Variants in HHIPL1 observed in about 807,000 individuals in gnomAD.
HHIPL1 encodes HHIP like 1.
HHIPL1 carries 43 observed loss-of-function variants against 61.8 expected under a neutral mutation model. The observed-to-expected ratio is 0.70, with a 90% CI of 0.55 to 0.90. The LOEUF (loss-of-function observed/expected upper bound fraction) is 0.90. Among genes scored for constraint, HHIPL1 ranks in the 40% least tolerant of loss-of-function variants. The pLI is 0.00. For synonymous variants in HHIPL1, 482 were observed against 515.8 expected (o/e 0.93, Z 0.89); for missense variants, 1,056 against 1,157.7 (o/e 0.91, Z 1.28).
At chr14:99,671,317 A>T (rs1376507888) in intron 7 of HHIPL1, among the ~76,000 whole-genome samples, 1 of 152,190 alleles carries the variant, frequency 6.6e-6, no homozygotes, top group Non-Finnish European at 1.5e-5. Context: ...TCCTTAAGGA[A>T]CAAAAGCCCC....
rs1410572038 is a variant in HHIPL1, at chr14:99,675,298, G to T, written c.2021G>T (p.Arg674Leu). 20 of 1,312,266 alleles carry T rather than the reference G, an allele frequency of 1.5e-5. No individual in the cohort carries two copies. Among genetic ancestry groups the T allele is most frequent in the Non-Finnish European group, 1.9e-5 (20 of 1,031,642 alleles). 81.3% of individuals were successfully genotyped at this position (1,312,266 alleles called of 1,614,324 possible). ...CGGGCGTTCCGGGATGGCGAGGTGCGCCTGGTGCGGCCCGCGGGCCTGAGC... is the reference window on the plus strand; with the variant it reads ...CGGGCGTTCCGGGATGGCGAGGTGCTCCTGGTGCGGCCCGCGGGCCTGAGC... ...ASRAFRDGEV[R>L]LVRPAGLSSG... The change falls in exon 9 of 9, where the codon CGC becomes CTC. Residue 674 changes from arginine (R) to leucine (L), a missense_variant. Physicochemically the swap from Arg to Leu is moderately radical, Grantham distance 102. Transcript: ENST00000330710. This position sits in a 1 kb window ranked among gnomAD's most constrained non-coding sequence, Gnocchi z 5.4.
At chr14:99,621,964 CT>C in the HHIPL1 span, among the ~76,000 whole-genome samples, 2 of 152,118 alleles carry the variant, frequency 1.3e-5, no homozygotes, top group East Asian at 3.9e-4. Flanking sequence ...ATCCGCCCAC[CT>C]TGGCCTCCCA....
At chr14:99,607,125 C>T in the HHIPL1 span, among the ~76,000 whole-genome samples, 26,607 of 149,434 alleles carry the variant, frequency 0.18, 2,962 homozygotes, top group East Asian at 0.3. Context: ...CCTCAACCTC[C>T]GGGCTCAAGA....
Position 99,645,371 on chromosome 14 carries a change from A to T in HHIPL1, c.164A>T (p.Glu55Val). The T allele has an allele frequency of 6.9e-7, 1 of 1,441,130 alleles. No homozygotes were observed. The highest frequency in any genetic ancestry group is 9.1e-7 in the Non-Finnish European group (1 of 1,100,722). 89.3% of individuals were successfully genotyped at this position (1,441,130 alleles called of 1,614,324 possible). The stretch of plus-strand genomic sequence containing the variant: ...TGCTGCGATGAGGGGCGCGACGCCG[A>T]GCTGACCCGCCGCTTCTGGGCCCTG... ...FGCCDEGRDA[E>V]LTRRFWALAS... The change falls in exon 1 of 9, where the codon GAG becomes GTG. Residue 55 changes from glutamate (E) to valine (V), a missense_variant. Transcript: ENST00000330710.
At chr14:99,655,107 T>C (rs1420839400) in intron 2 of HHIPL1, among the ~76,000 whole-genome samples, 2 of 152,196 alleles carry the variant, frequency 1.3e-5, no homozygotes, top group East Asian at 3.9e-4. Flanking sequence ...CCGCTGTCAG[T>C]CTCTCCTCCC....
intron 1 of HHIPL1, among the ~76,000 whole-genome samples, chr14:99,646,419 T>A (rs1477286764): frequency 6.6e-6 from 1 of 152,238 alleles, no homozygotes; most frequent in African/African-American, 2.4e-5. Flanking sequence ...TGGAGTTTGA[T>A]CCTGGCTCTG....
In HHIPL1 at chr14:99,675,145, G is replaced by A; in HGVS notation, c.1868G>A (p.Arg623Gln). The change falls in exon 9 of 9, where the codon CGG (arginine) becomes CAG (glutamine). Residue 623 changes from arginine to glutamine, a missense_variant. By Grantham distance (43) the Arg-to-Gln change is conservative. Coordinates refer to ENST00000330710, the MANE Select transcript of HHIPL1 (RefSeq NM_001127258.3). The surrounding 1 kb of genome is among the most constrained non-coding windows in gnomAD (Gnocchi z 5.4). ...CGGCCTACAGCGCGGGCGCCCACGC[G>A]GGCGCCCCGCCGAGGGCGCCCCACG... ...TPRPTARAPT[R>Q]APRRGRPTAA... 4 of 1,111,452 alleles carry A rather than the reference G, an allele frequency of 3.6e-6. No homozygotes were observed. Among genetic ancestry groups the A allele is most frequent in the Non-Finnish European group, 4.4e-6 (4 of 903,866 alleles). The allele number at this position is 1,111,452 out of a possible 1,614,324, so 68.8% of individuals were successfully genotyped here.
chr14:99,639,819 G>A, the HHIPL1 span, among the ~76,000 whole-genome samples: 5 of 150,488 alleles, frequency 3.3e-5, no homozygotes, highest in African/African-American at 7.4e-5. Context: ...GCGCTACCAC[G>A]CCCGGCTAAT....
intron 7 of HHIPL1, chr14:99,669,011 C>G: frequency 6.6e-7 from 1 of 1,524,792 alleles, no homozygotes. Context: ...TGCCCTAACC[C>G]CTTGGCTGTG....
chr14:99,654,747 T>G (rs2056000375), intron 2 of HHIPL1, among the ~76,000 whole-genome samples: 1 of 152,210 alleles, frequency 6.6e-6, no homozygotes, highest in Non-Finnish European at 1.5e-5. Context: ...GTTTTGACTA[T>G]GAGCTTCCTG....
At chr14:99,619,543 G>A in the HHIPL1 span, among the ~76,000 whole-genome samples, 1 of 151,982 alleles carries the variant, frequency 6.6e-6, no homozygotes, top group African/African-American at 2.4e-5. Flanking sequence ...ACACCTGCGT[G>A]ATGATAAGAC....
At chr14:99,632,926 T>C in the HHIPL1 span, among the ~76,000 whole-genome samples, 1 of 151,372 alleles carries the variant, frequency 6.6e-6, no homozygotes, top group African/African-American at 2.4e-5. Context: ...TATTTGCATG[T>C]ATGGATGGGG....
the HHIPL1 span, among the ~76,000 whole-genome samples, chr14:99,635,454 A>G: frequency 1.1e-3 from 166 of 152,244 alleles, no homozygotes; most frequent in African/African-American, 3.9e-3. Context: ...CTTCCAGGAA[A>G]GGAAAGTGAC....
chr14:99,668,190 G>T lies in HHIPL1; in HGVS notation c.1649-32G>T. 1.5e-6 allele frequency: 2 copies of T among 1,374,084 alleles called. No individual in the cohort carries two copies. The highest frequency in any genetic ancestry group is 2.1e-6 in the Non-Finnish European group (2 of 960,884). 85.1% of individuals were successfully genotyped at this position (1,374,084 alleles called of 1,614,324 possible). A position where few individuals can be genotyped will look rare whatever the true frequency, so the allele number is the denominator to read the frequency against. Reference sequence around the variant, plus strand: ...CTGGCTGGGACGGTATTCCAGGTGGGGGTCTCACTAGTCACTTTGTTCTGT... The same window carrying T: ...CTGGCTGGGACGGTATTCCAGGTGGTGGTCTCACTAGTCACTTTGTTCTGT... On this transcript the variant is annotated intron_variant, in intron 6 of 8. Coordinates refer to ENST00000330710, the MANE Select transcript of HHIPL1 (RefSeq NM_001127258.3). The surrounding 1 kb of genome is among the most constrained non-coding windows in gnomAD (Gnocchi z 4.7).
the HHIPL1 span, among the ~76,000 whole-genome samples, chr14:99,606,253 C>A: frequency 6.6e-6 from 1 of 152,188 alleles, no homozygotes; most frequent in Admixed American, 6.5e-5. Flanking sequence ...GGGACATCCT[C>A]CCCTCTGAGG....
At chr14:99,612,199 G>A in the HHIPL1 span, among the ~76,000 whole-genome samples, 1 of 152,174 alleles carries the variant, frequency 6.6e-6, no homozygotes, top group African/African-American at 2.4e-5. Context: ...GCGATGGGGA[G>A]AGCCCCTTAG....
At chr14:99,670,900 T>C (rs1036342072) in intron 7 of HHIPL1, among the ~76,000 whole-genome samples, 1 of 152,232 alleles carries the variant, frequency 6.6e-6, no homozygotes, top group African/African-American at 2.4e-5. Context: ...AAATGCTACA[T>C]ATACCAAGTG....
chr14:99,674,215 C>A (rs2056359939), intron 8 of HHIPL1, among the ~76,000 whole-genome samples: 1 of 152,022 alleles, frequency 6.6e-6, no homozygotes, highest in Admixed American at 6.5e-5. Flanking sequence ...AGGATCCTCC[C>A]CATAGTAATT....
Position 99,652,488 on chromosome 14 carries a change from G to T in HHIPL1, c.520G>T (p.Val174Leu). ...GAACCTCAACTCAAACCTGGGCCAC[G>T]TGGTAGCCGATGCCAAGGGCTGCCT... ...NKNLNSNLGH[V>L]VADAKGCLQL... is the part of the protein sequence containing the mutation. Residue 174 changes from valine (V) to leucine (L), a missense_variant, in exon 2 of 9, where the codon GTG becomes TTG. Coordinates refer to ENST00000330710, the MANE Select transcript of HHIPL1 (RefSeq NM_001127258.3). The T allele has an allele frequency of 1.9e-6, 3 of 1,613,952 alleles. No homozygotes were observed. Among genetic ancestry groups the T allele is most frequent in the African/African-American group, 1.3e-5 (1 of 75,058 alleles).
Sources: allele counts gnomAD v4.1 joint callset (sites outside exome capture counted in the v4.1 genomes callset), GRCh38; gene constraint gnomAD v4.1.1; non-coding constraint Gnocchi (gnomAD v3.1); transcripts MANE v1.5; gene names NCBI Gene and HGNC (gene_info 2026-07-23, HGNC 2026-07-21).